The following DOCK1 variants were observed in gnomAD, a reference collection of about 807,000 sequenced individuals.
DOCK1 encodes the protein dedicator of cytokinesis protein 1.
DOCK1 carries 138 observed loss-of-function variants against 262.7 expected under a neutral mutation model. The ratio of observed to expected loss-of-function variants is 0.53; its 90% CI spans 0.46 to 0.61. DOCK1 has a LOEUF of 0.61. DOCK1 is among the 20% of genes least tolerant of loss of function. DOCK1 has a pLI of 0.00. For synonymous variants in DOCK1, 866 were observed against 867.4 expected (o/e 1.00, Z 0.03); for missense variants, 1,908 against 2,370.7 (o/e 0.80, Z 4.05).
chr10:127,423,763 C>T (rs1000412513), intron 46 of DOCK1, among the ~76,000 whole-genome samples: 1 of 152,166 alleles, frequency 6.6e-6, no homozygotes, highest in East Asian at 1.9e-4. Flanking sequence ...TCCAGATGTT[C>T]TGTGCTGCTT....
intron 17 of DOCK1, 46 bp downstream of exon 17, chr10:127,031,799 G>T (rs755851692): frequency 6.4e-7 from 1 of 1,552,856 alleles, no homozygotes; most frequent in Non-Finnish European, 8.8e-7. Context: ...GACAGTTTCA[G>T]TCTTTTCTGG....
chr10:127,075,965 A>G (rs2046508420), intron 23 of DOCK1, among the ~76,000 whole-genome samples: 1 of 152,170 alleles, frequency 6.6e-6, no homozygotes, highest in African/African-American at 2.4e-5. Flanking sequence ...TTCTCTTCCT[A>G]CGTGGGTCTT....
chr10:127,026,778 T>C (rs1482421934), intron 16 of DOCK1, among the ~76,000 whole-genome samples: 1 of 152,192 alleles, frequency 6.6e-6, no homozygotes, highest in East Asian at 1.9e-4. Flanking sequence ...TGTCTTAGAA[T>C]TGGAAATCTT....
intron 12 of DOCK1, among the ~76,000 whole-genome samples, chr10:127,017,970 G>A (rs9418786): frequency 0.4 from 61,477 of 152,042 alleles, 12,707 homozygotes; most frequent in African/African-American, 0.48. Context: ...AAGATCCCGC[G>A]CACATCCCGC....
chr10:127,327,615 G>A (rs1333683241), intron 29 of DOCK1, among the ~76,000 whole-genome samples: 1 of 152,196 alleles, frequency 6.6e-6, no homozygotes, highest in Non-Finnish European at 1.5e-5. Context: ...TTTGCCCACT[G>A]CAAGCTGAGA....
intron 10 of DOCK1, 60 bp from the exon 11 acceptor site, chr10:127,008,672 T>C (rs559186774): frequency 7.0e-5 from 97 of 1,376,280 alleles, no homozygotes; most frequent in Middle Eastern, 3.5e-4. Flanking sequence ...CTTTGTTTGT[T>C]TGTGTTCTGT....
At chr10:127,218,160 T>C (rs1014740543) in intron 27 of DOCK1, among the ~76,000 whole-genome samples, 23 of 152,262 alleles carry the variant, frequency 1.5e-4, no homozygotes, top group Non-Finnish European at 3.2e-4. Context: ...TCCTTGTTAA[T>C]GTATTTGAAT....
At chr10:127,339,616 T>A (rs892086948) in intron 30 of DOCK1, among the ~76,000 whole-genome samples, 6 of 145,582 alleles carry the variant, frequency 4.1e-5, no homozygotes, top group Admixed American at 2.7e-4. Context: ...AGAGAGAGAG[T>A]GTGTGTGTTT....
chr10:127,334,228 G>T (rs2063103763), intron 29 of DOCK1, among the ~76,000 whole-genome samples: 1 of 151,954 alleles, frequency 6.6e-6, no homozygotes, highest in Non-Finnish European at 1.5e-5. Context: ...ACGTTTAAAT[G>T]GACATGAAGC....
At chr10:127,238,570 T>C (rs1362852449) in intron 27 of DOCK1, among the ~76,000 whole-genome samples, 1 of 152,228 alleles carries the variant, frequency 6.6e-6, no homozygotes, top group African/African-American at 2.4e-5. Flanking sequence ...GTCGCCTATA[T>C]GTCTGTGTAG....
intron 1 of DOCK1, among the ~76,000 whole-genome samples, chr10:126,925,607 C>A (rs2033636297): frequency 6.6e-6 from 1 of 152,160 alleles, no homozygotes; most frequent in Admixed American, 6.5e-5. Context: ...TGGTCTCGAT[C>A]TCTTGATCTC....
At chr10:127,328,178 T>A (rs2062824346) in intron 29 of DOCK1, among the ~76,000 whole-genome samples, 1 of 151,440 alleles carries the variant, frequency 6.6e-6, no homozygotes, top group South Asian at 2.1e-4. Context: ...AAATGAGCCT[T>A]CAGCAAATGA....
At chr10:126,992,971 A>G (rs1221672713) in intron 6 of DOCK1, among the ~76,000 whole-genome samples, 1 of 152,212 alleles carries the variant, frequency 6.6e-6, no homozygotes, top group African/African-American at 2.4e-5. Flanking sequence ...GCTGAGAACA[A>G]TGCGTAGAAG....
At chr10:126,931,470 G>C (rs2034181819) in intron 1 of DOCK1, among the ~76,000 whole-genome samples, 1 of 152,020 alleles carries the variant, frequency 6.6e-6, no homozygotes, top group Non-Finnish European at 1.5e-5. Flanking sequence ...CAGAAGTGCA[G>C]GTTCAGGAGC....
At chr10:126,952,636 ATTG>A (rs1206618746) in intron 1 of DOCK1, among the ~76,000 whole-genome samples, 1 of 121,766 alleles carries the variant, frequency 8.2e-6, no homozygotes, top group African/African-American at 3.2e-5. Context: ...GTGATGTAGT[ATTG>A]TTGGTAGTGT....
At chr10:126,913,162 C>A (rs935676937) in intron 1 of DOCK1, among the ~76,000 whole-genome samples, 2 of 152,168 alleles carry the variant, frequency 1.3e-5, no homozygotes, top group Non-Finnish European at 2.9e-5. Flanking sequence ...ACAGGAACTT[C>A]AGAGCAGTTC....
intron 23 of DOCK1, among the ~76,000 whole-genome samples, chr10:127,096,058 A>T (rs2047892140): frequency 6.6e-6 from 1 of 152,234 alleles, no homozygotes; most frequent in African/African-American, 2.4e-5. Context: ...AAGAGAATTG[A>T]TTACAAAAAG....
intron 38 of DOCK1, among the ~76,000 whole-genome samples, chr10:127,390,924 A>G (rs2066437851): frequency 1.3e-5 from 2 of 152,216 alleles, no homozygotes; most frequent in African/African-American, 4.8e-5. Context: ...TTCCTGTTGG[A>G]CGGTGCTGCT....
intron 29 of DOCK1, chr10:127,257,662 A>G: frequency 2.6e-6 from 1 of 380,334 alleles, no homozygotes; most frequent in Non-Finnish European, 4.9e-6. Context: ...CCCCTGGAGA[A>G]AAACAGCCTG....
Sources: gnomAD v4.1 joint callset for allele counts (sites outside exome capture counted in the v4.1 genomes callset) on GRCh38, gnomAD v4.1.1 for gene constraint, MANE v1.5 for transcripts, NCBI Gene and HGNC (gene_info 2026-07-23, HGNC 2026-07-21) for gene names.